The following SLC7A2 variants were observed in gnomAD, a reference collection of about 807,000 sequenced individuals.
SLC7A2 encodes the protein cationic amino acid transporter 2.
A neutral mutation model predicts 58.9 loss-of-function variants in SLC7A2; 48 were observed. The ratio of observed to expected loss-of-function variants is 0.82; its 90% CI spans 0.65 to 1.04. The LOEUF (loss-of-function observed/expected upper bound fraction) is 1.04, where lower values mean the gene tolerates loss of function less well. Ranked by LOEUF, SLC7A2 falls within the 50% of genes least tolerant of loss-of-function variation. SLC7A2 has a pLI of 0.00. For missense variants in SLC7A2, 1,029 were observed against 818.8 expected (o/e 1.26, Z -3.13); for synonymous variants, 363 against 314.5 (o/e 1.15, Z -1.63).
intron 2 of SLC7A2, among the ~76,000 whole-genome samples, chr8:17,533,875 C>T (rs1482543092): frequency 1.3e-5 from 2 of 152,182 alleles, no homozygotes; most frequent in Non-Finnish European, 2.9e-5. Flanking sequence ...GTATTAAGCC[C>T]CACATGCATT....
intron 9 of SLC7A2, 81 bp downstream of exon 9, chr8:17,558,478 C>A: frequency 3.6e-6 from 3 of 837,958 alleles, no homozygotes; most frequent in Non-Finnish European, 5.8e-6. Context: ...ACTCTCCTGG[C>A]TTCCAGGGAG....
intron 2 of SLC7A2, among the ~76,000 whole-genome samples, chr8:17,515,010 A>G (rs1800746899): frequency 6.6e-6 from 1 of 152,216 alleles, no homozygotes; most frequent in Non-Finnish European, 1.5e-5. Context: ...TATATTGGTA[A>G]AGGCAGTGCC....
chr8:17,517,153 A>G, intron 2 of SLC7A2, among the ~76,000 whole-genome samples: 1 of 152,250 alleles, frequency 6.6e-6, no homozygotes, highest in East Asian at 1.9e-4. Context: ...GCATGGATTA[A>G]GAAAATAATG....
chr8:17,526,598 T>C (rs1801231985), intron 2 of SLC7A2, among the ~76,000 whole-genome samples: 1 of 152,000 alleles, frequency 6.6e-6, no homozygotes, highest in Non-Finnish European at 1.5e-5. Context: ...ATCTTGGAGG[T>C]GCCCTGAAGT....
chr8:17,549,773 T>C (rs1802358559), intron 5 of SLC7A2, among the ~76,000 whole-genome samples: 1 of 152,220 alleles, frequency 6.6e-6, no homozygotes, highest in South Asian at 2.1e-4. Flanking sequence ...AAAATTGGTA[T>C]CCTATAAACT....
intron 4 of SLC7A2, among the ~76,000 whole-genome samples, chr8:17,546,453 G>A (rs972009580): frequency 1.1e-4 from 17 of 152,152 alleles, no homozygotes; most frequent in African/African-American, 3.4e-4. Flanking sequence ...AAAGATACAC[G>A]GGAAGTGTAT....
chr8:17,524,366 CA>C (rs753857822), intron 2 of SLC7A2, among the ~76,000 whole-genome samples: 2 of 151,256 alleles, frequency 1.3e-5, no homozygotes, highest in Non-Finnish European at 2.9e-5. Flanking sequence ...AAAATCCCAT[CA>C]ATCAACAAGT....
chr8:17,544,453 A>G lies in SLC7A2; in HGVS notation c.379A>G (p.Thr127Ala). The G allele has an allele frequency of 6.2e-7, 1 of 1,613,830 alleles. No individual in the cohort carries two copies. The highest frequency in any genetic ancestry group is 8.5e-7 in the Non-Finnish European group (1 of 1,179,860). ...ATTCTCTGTTCTGTTTTGGGAAGGT[A>G]CATCAAGTGTTGCAAGAGCCTGGAG... ...WNLILSYVIGTSSVARAWSGT... is the reference protein window; with the variant it reads ...WNLILSYVIGASSVARAWSGT... The change falls in exon 4 of 13, where the codon ACA becomes GCA. Residue 127 changes from threonine (T) to alanine (A), a missense_variant and splice_region_variant. Coordinates refer to ENST00000494857, the MANE Select transcript of SLC7A2 (RefSeq NM_001370338.1).
chr8:17,542,556 C>T (rs755218605), intron 2 of SLC7A2, among the ~76,000 whole-genome samples: 21 of 151,898 alleles, frequency 1.4e-4, no homozygotes, highest in Non-Finnish European at 2.5e-4. Context: ...TAGACTAAGG[C>T]GAGAGGATTG....
At chr8:17,499,183 C>G (rs1800059792) in intron 1 of SLC7A2, 1 of 152,288 alleles carries the variant, frequency 6.6e-6, no homozygotes, top group African/African-American at 2.4e-5. Flanking sequence ...TTCAGTCCTT[C>G]CTTTTCAAAT....
intron 2 of SLC7A2, among the ~76,000 whole-genome samples, chr8:17,514,249 A>T (rs965619220): frequency 1.3e-5 from 2 of 152,064 alleles, no homozygotes; most frequent in African/African-American, 4.8e-5. Flanking sequence ...GTGTTAAACC[A>T]AAGAGGAATC....
intron 10 of SLC7A2, 53 bp from the exon 11 acceptor site, chr8:17,561,891 A>T: frequency 6.4e-7 from 1 of 1,567,404 alleles, no homozygotes; most frequent in Non-Finnish European, 8.8e-7. Context: ...TGCACCAAGC[A>T]ATCTGGGTGG....
chr8:17,517,775 T>C (rs1343461434), intron 2 of SLC7A2, among the ~76,000 whole-genome samples: 1 of 152,182 alleles, frequency 6.6e-6, no homozygotes, highest in Non-Finnish European at 1.5e-5. Context: ...ATATTTTTGG[T>C]AACATCTTGA....
intron 9 of SLC7A2, among the ~76,000 whole-genome samples, chr8:17,560,020 A>G (rs931756560): frequency 6.6e-6 from 1 of 152,186 alleles, no homozygotes; most frequent in East Asian, 1.9e-4. Context: ...TCCTTTGGAC[A>G]TAGGTAATTT....
chr8:17,536,342 A>T (rs1296046404), intron 2 of SLC7A2, among the ~76,000 whole-genome samples: 1 of 152,130 alleles, frequency 6.6e-6, no homozygotes, highest in Non-Finnish European at 1.5e-5. Flanking sequence ...AGGAAGGAAG[A>T]TCACTTGAGG....
chr8:17,514,612 A>T (rs1557599), intron 2 of SLC7A2, among the ~76,000 whole-genome samples: 3 of 151,940 alleles, frequency 2.0e-5, no homozygotes, highest in Non-Finnish European at 4.4e-5. Context: ...CAGAAACTCA[A>T]TTTTGCTTGG....
chr8:17,563,834 G>C (rs959416872), intron 12 of SLC7A2, 123 bp downstream of exon 12: 2 of 653,304 alleles, frequency 3.1e-6, no homozygotes, highest in African/African-American at 1.8e-5. Context: ...CTAATTCTTA[G>C]GGATGTCCGA....
At chr8:17,513,274 A>G (rs1025593183) in intron 2 of SLC7A2, among the ~76,000 whole-genome samples, 1 of 152,184 alleles carries the variant, frequency 6.6e-6, no homozygotes, top group Non-Finnish European at 1.5e-5. Flanking sequence ...TACCGTGGAC[A>G]CAAGGATCCC....
intron 2 of SLC7A2, among the ~76,000 whole-genome samples, chr8:17,517,527 A>G (rs1800849931): frequency 6.6e-6 from 1 of 152,010 alleles, no homozygotes; most frequent in South Asian, 2.1e-4. Flanking sequence ...CTTCTATTAA[A>G]TCATGGGAGA....
Sources: allele counts gnomAD v4.1 joint callset (sites outside exome capture counted in the v4.1 genomes callset), GRCh38; gene constraint gnomAD v4.1.1; transcripts MANE v1.5; gene names NCBI Gene and HGNC (gene_info 2026-07-23, HGNC 2026-07-21).